Variants in ZNRF3 observed in about 807,000 individuals in gnomAD.
The protein encoded by ZNRF3 is zinc and ring finger 3.
In ZNRF3, 23 loss-of-function variants were observed where a neutral mutation model predicts 72.5. The ratio of observed to expected loss-of-function variants is 0.32; its 90% CI spans 0.23 to 0.45. ZNRF3 has a LOEUF of 0.45. Among genes scored for constraint, ZNRF3 ranks in the 20% least tolerant of loss-of-function variants. The probability of loss-of-function intolerance (pLI) is 1.00; values close to 1 mark genes in which losing one functional copy is unlikely to be tolerated. For synonymous variants in ZNRF3, 610 were observed against 545.3 expected, an observed-to-expected ratio of 1.12 and a Z score of -1.65; for missense variants, 1,169 against 1,272.1, an observed-to-expected ratio of 0.92 and a Z score of 1.23.
At chr22:28,986,653 G>A (rs2035859317) in intron 1 of ZNRF3, 3 of 985,354 alleles carry the variant, frequency 3.0e-6, no homozygotes, top group Non-Finnish European at 3.6e-6. Context: ...AGTTGAAGTA[G>A]ACATGTTGTT....
intron 1 of ZNRF3, among the ~76,000 whole-genome samples, chr22:28,932,952 C>G (rs1448134667): frequency 6.6e-6 from 1 of 152,196 alleles, no homozygotes; most frequent in African/African-American, 2.4e-5. Flanking sequence ...CTCCCTTCTT[C>G]TACCTTAATG....
intron 1 of ZNRF3, among the ~76,000 whole-genome samples, chr22:28,964,380 G>T (rs756189854): frequency 2.6e-5 from 4 of 152,148 alleles, no homozygotes; most frequent in African/African-American, 9.7e-5. Flanking sequence ...ATAGACCAGG[G>T]GAGAAGTCAG....
chr22:28,995,728 T>C (rs1601642862), intron 2 of ZNRF3, among the ~76,000 whole-genome samples: 1 of 151,838 alleles, frequency 6.6e-6, no homozygotes, highest in African/African-American at 2.4e-5. Flanking sequence ...TGGGGGCTGG[T>C]AGGGATTCTC....
chr22:28,995,575 A>G (rs2036033163), intron 2 of ZNRF3, among the ~76,000 whole-genome samples: 1 of 152,338 alleles, frequency 6.6e-6, no homozygotes, highest in African/African-American at 2.4e-5. Flanking sequence ...TCACCTTATG[A>G]TGATGAATGG....
chr22:28,908,795 TGATTA>T (rs1231278310), intron 1 of ZNRF3, among the ~76,000 whole-genome samples: 2 of 152,096 alleles, frequency 1.3e-5, no homozygotes, highest in East Asian at 3.8e-4. Flanking sequence ...TTTAAAGCGG[TGATTA>T]GATTTGTCTG....
At chr22:29,040,678 C>T (rs761549661) in intron 2 of ZNRF3, among the ~76,000 whole-genome samples, 1 of 152,208 alleles carries the variant, frequency 6.6e-6, no homozygotes, top group Non-Finnish European at 1.5e-5. Flanking sequence ...ACTTTCAATG[C>T]ATTGAATCTC....
rs1265941988 is a variant in ZNRF3 at position 29,055,551 on chromosome 22, G to C, written c.*1929G>C. On this transcript the variant is annotated 3_prime_UTR_variant, in exon 9 of 9. Coordinates refer to ENST00000544604, the MANE Select transcript of ZNRF3 (RefSeq NM_001206998.2). ...CACTGAGGCTTCACTGGTGAGATCC[G>C]TTCTCCGTCCTCGGGTGCAGTCCCT... is the stretch of plus-strand genomic sequence containing the variant. The C allele has an allele frequency of 6.6e-6, 1 of 152,232 alleles. No individual in the cohort carries two copies. The highest frequency in any genetic ancestry group is 2.4e-5 in the African/African-American group (1 of 41,452). 9.4% of individuals were successfully genotyped at this position (152,232 alleles called of 1,614,324 possible). A position where few individuals can be genotyped will look rare whatever the true frequency, so the allele number is the denominator to read the frequency against.
At chr22:28,912,914 TCTCGGC>T (rs574802812) in intron 1 of ZNRF3, among the ~76,000 whole-genome samples, 350 of 152,222 alleles carry the variant, frequency 2.3e-3, no homozygotes, top group Non-Finnish European at 3.7e-3. Flanking sequence ...GATCCACCCA[TCTCGGC>T]CTCCCAAAGT....
intron 1 of ZNRF3, among the ~76,000 whole-genome samples, chr22:28,937,204 TA>T (rs1569252702): frequency 0.086 from 325 of 3,760 alleles, 1 homozygote; most frequent in Non-Finnish European, 0.22. Flanking sequence ...TATATATATA[TA>T]TATATATATA....
At chr22:28,945,090 G>C (rs1292780466) in intron 1 of ZNRF3, among the ~76,000 whole-genome samples, 1 of 151,492 alleles carries the variant, frequency 6.6e-6, no homozygotes, top group Non-Finnish European at 1.5e-5. Flanking sequence ...GGCTGAGGTG[G>C]GTGGATCACT....
At chr22:28,957,774 T>C (rs1302981785) in intron 1 of ZNRF3, among the ~76,000 whole-genome samples, 8 of 152,008 alleles carry the variant, frequency 5.3e-5, no homozygotes, top group Non-Finnish European at 1.5e-5. Context: ...GACATTACAC[T>C]GAATCCAGTG....
At chr22:28,943,702 C>T (rs139940801) in intron 1 of ZNRF3, among the ~76,000 whole-genome samples, 62 of 152,016 alleles carry the variant, frequency 4.1e-4, no homozygotes, top group African/African-American at 1.4e-3. Context: ...CCATTTGTTC[C>T]TCTTTACACT....
At chr22:28,933,732 A>G (rs1033584853) in intron 1 of ZNRF3, among the ~76,000 whole-genome samples, 1 of 13,466 alleles carries the variant, frequency 7.4e-5, no homozygotes, top group Non-Finnish European at 1.3e-4. Context: ...CACCCCCCCC[A>G]CACACACACA....
chr22:28,982,433 CAA>C (rs61589852), intron 1 of ZNRF3, among the ~76,000 whole-genome samples: 59 of 76,474 alleles, frequency 7.7e-4, no homozygotes, highest in African/African-American at 3.6e-3. Flanking sequence ...CCTGTCTCTA[CAA>C]AAAAAAAAAA....
At chr22:29,017,427 G>T (rs762260548) in intron 2 of ZNRF3, among the ~76,000 whole-genome samples, 2 of 152,168 alleles carry the variant, frequency 1.3e-5, no homozygotes, top group African/African-American at 4.8e-5. Flanking sequence ...AATTGAGTTT[G>T]CAATCTGTGT....
intron 1 of ZNRF3, among the ~76,000 whole-genome samples, chr22:28,947,618 C>T (rs1217667371): frequency 1.3e-5 from 2 of 152,106 alleles, no homozygotes; most frequent in Admixed American, 1.3e-4. Context: ...TGCCTAATGA[C>T]GTTGAGCATC....
intron 1 of ZNRF3, among the ~76,000 whole-genome samples, chr22:28,939,369 ATTG>A (rs993301615): frequency 4.6e-5 from 7 of 152,192 alleles, no homozygotes; most frequent in Non-Finnish European, 7.4e-5. Context: ...AGAAGTAGCT[ATTG>A]TTGTGTTTAG....
chr22:29,017,897 C>T (rs754678098), intron 2 of ZNRF3: 191 of 473,364 alleles, frequency 4.0e-4, no homozygotes, highest in Non-Finnish European at 7.3e-4. Context: ...AGAAAGGAGG[C>T]TTTTAGATGT....
At chr22:28,957,040 G>T (rs191905348) in intron 1 of ZNRF3, among the ~76,000 whole-genome samples, 1 of 152,384 alleles carries the variant, frequency 6.6e-6, no homozygotes, top group Admixed American at 6.5e-5. Context: ...TGTGCAGAAT[G>T]CAGGGCTTTT....
Sources: gnomAD v4.1 joint callset for allele counts (sites outside exome capture counted in the v4.1 genomes callset) on GRCh38, gnomAD v4.1.1 for gene constraint, MANE v1.5 for transcripts, NCBI Gene and HGNC (gene_info 2026-07-23, HGNC 2026-07-21) for gene names.